Variants in GALNTL6 observed in about 807,000 individuals in gnomAD.
The protein encoded by GALNTL6 is polypeptide N-acetylgalactosaminyltransferase like 6.
GALNTL6 carries 46 observed loss-of-function variants against 73.7 expected under a neutral mutation model. The observed-to-expected ratio is 0.62, with a 90% confidence interval of 0.49 to 0.80. The LOEUF (loss-of-function observed/expected upper bound fraction) is 0.80, where lower values mean the gene tolerates loss of function less well. GALNTL6 is among the 30% of genes least tolerant of loss of function. The pLI is 0.00. For missense variants in GALNTL6, 604 were observed against 755.0 expected (o/e 0.80, Z 2.34); for synonymous variants, 259 against 263.7 (o/e 0.98, Z 0.17).
chr4:172,028,663 C>T (rs918224177), intron 2 of GALNTL6, among the ~76,000 whole-genome samples: 2 of 151,944 alleles, frequency 1.3e-5, no homozygotes, highest in African/African-American at 4.8e-5. Context: ...CAAATTTTTA[C>T]TGTACTCAAC....
chr4:172,189,518 A>G (rs9991231), intron 2 of GALNTL6, among the ~76,000 whole-genome samples: 9,790 of 152,144 alleles, frequency 0.064, 514 homozygotes, highest in African/African-American at 0.15. Context: ...GTGATTACAA[A>G]CAGTGATGGG....
At chr4:172,548,278 A>G (rs1296687216) in intron 5 of GALNTL6, among the ~76,000 whole-genome samples, 1 of 152,210 alleles carries the variant, frequency 6.6e-6, no homozygotes, top group African/African-American at 2.4e-5. Context: ...GTAAAAGATA[A>G]ACATAACATT....
intron 5 of GALNTL6, among the ~76,000 whole-genome samples, chr4:172,633,020 G>T (rs1313637671): frequency 1.3e-5 from 2 of 152,226 alleles, no homozygotes; most frequent in Non-Finnish European, 2.9e-5. Context: ...GATTTCATAG[G>T]ATGCGTGGAA....
intron 2 of GALNTL6, among the ~76,000 whole-genome samples, chr4:172,189,881 A>G (rs772539905): frequency 1.3e-5 from 2 of 152,212 alleles, no homozygotes; most frequent in Non-Finnish European, 2.9e-5. Flanking sequence ...GCAGATGGAA[A>G]TAGAAAATCC....
intron 5 of GALNTL6, among the ~76,000 whole-genome samples, chr4:172,713,146 T>C (rs941353324): frequency 1.8e-4 from 27 of 151,804 alleles, no homozygotes; most frequent in African/African-American, 6.0e-4. Context: ...TACAAGAAAT[T>C]TAATACTGTT....
intron 10 of GALNTL6, among the ~76,000 whole-genome samples, chr4:173,005,547 C>T (rs1357750430): frequency 6.6e-6 from 1 of 151,914 alleles, no homozygotes; most frequent in African/African-American, 2.4e-5. Flanking sequence ...ATATTATTAG[C>T]GTGAATAAAC....
At chr4:172,685,852 C>T (rs1256322632) in intron 5 of GALNTL6, among the ~76,000 whole-genome samples, 1 of 152,110 alleles carries the variant, frequency 6.6e-6, no homozygotes, top group African/African-American at 2.4e-5. Flanking sequence ...TTTTCTCCAT[C>T]CCTTTGTCTC....
intron 2 of GALNTL6, among the ~76,000 whole-genome samples, chr4:172,009,422 AC>A (rs1740936496): frequency 1.3e-5 from 2 of 151,946 alleles, no homozygotes; most frequent in Admixed American, 6.6e-5. Flanking sequence ...CAAATGGTCT[AC>A]CCCCTGTGCC....
chr4:172,328,330 T>C (rs763375841), intron 4 of GALNTL6, among the ~76,000 whole-genome samples: 7 of 152,148 alleles, frequency 4.6e-5, no homozygotes, highest in Non-Finnish European at 8.8e-5. Flanking sequence ...ATTTTTTCTT[T>C]CATTTTGCCC....
Position 172,347,875 on chromosome 4 carries a change from A to G in GALNTL6, c.387-648A>G, listed in dbSNP as rs187069032. On this transcript the variant is annotated intron_variant, in intron 4 of 12. Coordinates refer to ENST00000506823, the MANE Select transcript of GALNTL6 (RefSeq NM_001034845.3). ...AAATACTTCTTTTTCATCTTCTCAGATGGTTCCAACAATGAAAAAAATGAA... is the reference window on the plus strand; with the variant it reads ...AAATACTTCTTTTTCATCTTCTCAGGTGGTTCCAACAATGAAAAAAATGAA... Among the ~76,000 whole-genome samples, 89 of 152,270 alleles carry G rather than the reference A, an allele frequency of 5.8e-4. 1 individual carries two copies. In the East Asian group the frequency reaches 0.015, roughly 26 times the overall value.
At chr4:172,529,356 A>G (rs1263272095) in intron 5 of GALNTL6, among the ~76,000 whole-genome samples, 1 of 152,046 alleles carries the variant, frequency 6.6e-6, no homozygotes, top group African/African-American at 2.4e-5. Flanking sequence ...TATTTTCTAT[A>G]CTACTTTAGG....
intron 5 of GALNTL6, among the ~76,000 whole-genome samples, chr4:172,426,245 GCTT>G (rs1460728048): frequency 6.6e-6 from 1 of 152,082 alleles, no homozygotes; most frequent in East Asian, 1.9e-4. Flanking sequence ...ATGTGATGAA[GCTT>G]CTTTGAGATA....
intron 5 of GALNTL6, among the ~76,000 whole-genome samples, chr4:172,564,740 G>T (rs1736495378): frequency 6.6e-6 from 1 of 152,156 alleles, no homozygotes; most frequent in African/African-American, 2.4e-5. Flanking sequence ...AAATCAGAAA[G>T]GTGATCTCTA....
chr4:172,344,567 A>T (rs1283850280), intron 4 of GALNTL6, among the ~76,000 whole-genome samples: 1 of 152,200 alleles, frequency 6.6e-6, no homozygotes, highest in Admixed American at 6.5e-5. Context: ...TGCCAGAGGA[A>T]TATGTAAACA....
intron 7 of GALNTL6, among the ~76,000 whole-genome samples, chr4:172,849,399 A>T (rs1372060702): frequency 1.3e-5 from 2 of 152,162 alleles, no homozygotes; most frequent in East Asian, 3.9e-4. Flanking sequence ...AATCAAATAG[A>T]CTCTGAGCAT....
chr4:172,483,228 G>A (rs1733554609), intron 5 of GALNTL6, among the ~76,000 whole-genome samples: 1 of 152,116 alleles, frequency 6.6e-6, no homozygotes, highest in Non-Finnish European at 1.5e-5. Context: ...GGTTTCAAAA[G>A]AGGCAGAGGT....
At chr4:172,615,438 T>A (rs1738684734) in intron 5 of GALNTL6, among the ~76,000 whole-genome samples, 2 of 152,188 alleles carry the variant, frequency 1.3e-5, no homozygotes, top group South Asian at 4.1e-4. Context: ...GATTTTGCTT[T>A]ACTTGCCAAA....
At chr4:172,525,349 G>A (rs970912455) in intron 5 of GALNTL6, among the ~76,000 whole-genome samples, 19 of 152,002 alleles carry the variant, frequency 1.2e-4, no homozygotes, top group African/African-American at 4.6e-4. Flanking sequence ...CAGTAAAAGT[G>A]GTATTCCTCT....
At position 172,875,746 on chromosome 4, in the gene GALNTL6, C is replaced by CACAT. The variant is rs1398813233; in HGVS notation, c.924-7041_924-7040insTACA. On this transcript the variant is annotated intron_variant, in intron 7 of 12. Coordinates refer to ENST00000506823, the MANE Select transcript of GALNTL6 (RefSeq NM_001034845.3). ...GCTCATACATAAACACACACACACA[C>CACAT]ACACACACACACACACACACACAAA... Among the ~76,000 whole-genome samples the CACAT allele has an allele frequency of 2.6e-5, 4 of 151,606 alleles. No homozygotes were observed. In the East Asian group the frequency reaches 7.7e-4, roughly 29 times the overall value.
Sources: allele counts gnomAD v4.1 joint callset (sites outside exome capture counted in the v4.1 genomes callset), GRCh38; gene constraint gnomAD v4.1.1; transcripts MANE v1.5; gene names NCBI Gene and HGNC (gene_info 2026-07-23, HGNC 2026-07-21).